Variants in TASP1 observed in about 807,000 individuals in gnomAD.
TASP1 encodes threonine aspartase 1.
A neutral mutation model predicts 56.6 loss-of-function variants in TASP1; 16 were observed. The ratio of observed to expected loss-of-function variants is 0.28; its 90% CI spans 0.19 to 0.43. The LOEUF is 0.43. Ranked by LOEUF, TASP1 falls within the 20% of genes least tolerant of loss-of-function variation. The pLI, the probability that TASP1 is intolerant of heterozygous loss-of-function variation, is 1.00. For missense variants in TASP1, 393 were observed against 511.6 expected (o/e 0.77, Z 2.24); for synonymous variants, 179 against 184.2 (o/e 0.97, Z 0.23).
At chr20:13,271,013 C>T in the TASP1 span, among the ~76,000 whole-genome samples, 1 of 152,100 alleles carries the variant, frequency 6.6e-6, no homozygotes. Flanking sequence ...AAGATACATA[C>T]TAATTTAAGA....
chr20:13,507,302 G>T (rs1786684140), intron 10 of TASP1, among the ~76,000 whole-genome samples: 1 of 152,180 alleles, frequency 6.6e-6, no homozygotes, highest in Admixed American at 6.5e-5. Flanking sequence ...GGAGGCCAAA[G>T]CATGAGGATT....
chr20:13,164,973 G>A, the TASP1 span: 1 of 945,180 alleles, frequency 1.1e-6, no homozygotes, highest in African/African-American at 1.7e-5. Context: ...GACAATTTTG[G>A]TTCCCAGACC....
the TASP1 span, among the ~76,000 whole-genome samples, chr20:13,133,413 G>A: frequency 1.3e-5 from 2 of 152,092 alleles, no homozygotes; most frequent in Non-Finnish European, 2.9e-5. Context: ...AATGGCTTGT[G>A]GATTTCTTGT....
the TASP1 span, among the ~76,000 whole-genome samples, chr20:13,350,518 A>G: frequency 2.0e-5 from 3 of 152,216 alleles, no homozygotes; most frequent in Non-Finnish European, 4.4e-5. Context: ...AATGAGAACC[A>G]TCACAATTTA....
At chr20:13,597,284 C>T (rs371168462) in intron 4 of TASP1, among the ~76,000 whole-genome samples, 4 of 152,226 alleles carry the variant, frequency 2.6e-5, no homozygotes, top group South Asian at 4.2e-4. Context: ...AAATCCTCAA[C>T]AAAATACTGG....
At chr20:13,609,338 C>T (rs748820755) in intron 4 of TASP1, among the ~76,000 whole-genome samples, 1 of 151,950 alleles carries the variant, frequency 6.6e-6, no homozygotes, top group Non-Finnish European at 1.5e-5. Flanking sequence ...CATATTGCTG[C>T]TGGAAATGCA....
the TASP1 span, among the ~76,000 whole-genome samples, chr20:13,221,315 C>A: frequency 6.7e-6 from 1 of 148,304 alleles, no homozygotes; most frequent in South Asian, 2.1e-4. Context: ...CGCTCCCGCT[C>A]CAGCTGCGGC....
chr20:13,181,065 C>A, the TASP1 span, among the ~76,000 whole-genome samples: 1 of 152,156 alleles, frequency 6.6e-6, no homozygotes, highest in Non-Finnish European at 1.5e-5. Flanking sequence ...AGCTCCCTAT[C>A]CCAAGCACCT....
intron 8 of TASP1, among the ~76,000 whole-genome samples, chr20:13,537,716 C>T (rs2045467263): frequency 6.6e-6 from 1 of 152,048 alleles, no homozygotes; most frequent in African/African-American, 2.4e-5. Flanking sequence ...AAACTATAGT[C>T]CTCTTCAAAA....
chr20:13,437,569 G>C (rs1038658740), intron 11 of TASP1, among the ~76,000 whole-genome samples: 2 of 152,156 alleles, frequency 1.3e-5, no homozygotes, highest in African/African-American at 4.8e-5. Flanking sequence ...AAATCAAATT[G>C]TCCCTGTTTG....
chr20:13,574,664 G>A (rs2046836471), intron 6 of TASP1, among the ~76,000 whole-genome samples: 1 of 152,068 alleles, frequency 6.6e-6, no homozygotes, highest in East Asian at 1.9e-4. Flanking sequence ...AACTTGTAGA[G>A]ATAAAAATAA....
At chr20:13,583,029 G>A (rs1463253817) in intron 5 of TASP1, among the ~76,000 whole-genome samples, 1 of 152,210 alleles carries the variant, frequency 6.6e-6, no homozygotes, top group African/African-American at 2.4e-5. Flanking sequence ...TGAACACCAC[G>A]TTTTCTCCAG....
At chr20:13,484,347 C>A (rs572555314) in intron 10 of TASP1, among the ~76,000 whole-genome samples, 1 of 152,168 alleles carries the variant, frequency 6.6e-6, no homozygotes, top group Non-Finnish European at 1.5e-5. Flanking sequence ...ACTATAAAGA[C>A]ACATGCACCC....
At chr20:13,565,648 T>C (rs1184325874) in intron 7 of TASP1, among the ~76,000 whole-genome samples, 1 of 152,008 alleles carries the variant, frequency 6.6e-6, no homozygotes, top group African/African-American at 2.4e-5. Flanking sequence ...AAATACCAAC[T>C]CACAGCCATT....
intron 4 of TASP1, among the ~76,000 whole-genome samples, chr20:13,597,259 T>C (rs900462370): frequency 6.6e-6 from 1 of 152,202 alleles, no homozygotes; most frequent in African/African-American, 2.4e-5. Flanking sequence ...ATATCCTTGT[T>C]GAACATCGAT....
intron 10 of TASP1, among the ~76,000 whole-genome samples, chr20:13,493,928 A>G (rs1450896566): frequency 3.9e-5 from 6 of 152,194 alleles, no homozygotes; most frequent in African/African-American, 1.4e-4. Flanking sequence ...GGGACAAATG[A>G]ACCCAGGGAA....
chr20:13,435,883 T>C (rs547002384), intron 11 of TASP1, among the ~76,000 whole-genome samples: 21 of 152,150 alleles, frequency 1.4e-4, no homozygotes, highest in Non-Finnish European at 2.5e-4. Flanking sequence ...ACCAATCAAA[T>C]TGGATTTGGT....
intron 4 of TASP1, among the ~76,000 whole-genome samples, chr20:13,617,794 A>C (rs560673109): frequency 6.6e-6 from 1 of 152,140 alleles, no homozygotes; most frequent in South Asian, 2.1e-4. Flanking sequence ...CTCACAAGAA[A>C]ACTTGTTATA....
At chr20:13,370,376 G>A in the TASP1 span, among the ~76,000 whole-genome samples, 2 of 151,786 alleles carry the variant, frequency 1.3e-5, no homozygotes, top group Admixed American at 1.3e-4. Flanking sequence ...GAACTTTATT[G>A]GTCTGGAATC....
Sources: gnomAD v4.1 joint callset for allele counts (sites outside exome capture counted in the v4.1 genomes callset) on GRCh38, gnomAD v4.1.1 for gene constraint, MANE v1.5 for transcripts, NCBI Gene and HGNC (gene_info 2026-07-23, HGNC 2026-07-21) for gene names.